The following TSHZ3 variants were observed in gnomAD, a reference collection of about 807,000 sequenced individuals.
The protein encoded by TSHZ3 is teashirt homolog 3.
A neutral mutation model predicts 64.5 loss-of-function variants in TSHZ3; 10 were observed. That is an observed-to-expected ratio of 0.16 (90% CI 0.10 to 0.26). The LOEUF is 0.26. Ranked by LOEUF, TSHZ3 falls within the 10% of genes least tolerant of loss-of-function variation. The probability of loss-of-function intolerance (pLI) is 1.00; values close to 1 mark genes in which losing one functional copy is unlikely to be tolerated. For synonymous variants in TSHZ3, 608 were observed against 593.1 expected (o/e 1.03, Z -0.36); for missense variants, 1,242 against 1,421.7 (o/e 0.87, Z 2.03).
exon 7 of TSHZ3, among the ~76,000 whole-genome samples, chr19:31,150,736 G>A (rs1291210949): frequency 2.0e-5 from 3 of 152,286 alleles, no homozygotes; most frequent in Non-Finnish European, 4.4e-5. Context: ...TGGTTTCCAG[G>A]TATCTTTTTT....
intron 5 of TSHZ3, among the ~76,000 whole-genome samples, chr19:31,159,838 G>T (rs1457577309): frequency 6.6e-6 from 1 of 151,560 alleles, no homozygotes; most frequent in Non-Finnish European, 1.5e-5. Context: ...GACTATAGCT[G>T]CATGCCACCA....
intron 1 of TSHZ3, among the ~76,000 whole-genome samples, chr19:31,282,792 C>T (rs1001169265): frequency 1.3e-5 from 2 of 152,150 alleles, no homozygotes; most frequent in Non-Finnish European, 1.5e-5. Flanking sequence ...AGATCCAACT[C>T]AGAGGAGAAT....
intron 4 of TSHZ3, among the ~76,000 whole-genome samples, chr19:31,213,175 G>C (rs778750569): frequency 1.3e-5 from 2 of 151,492 alleles, no homozygotes; most frequent in African/African-American, 2.4e-5. Flanking sequence ...GGGCAACATG[G>C]TGAAACCCCG....
At chr19:31,152,901 A>G (rs1056572555) in intron 6 of TSHZ3, among the ~76,000 whole-genome samples, 1 of 152,228 alleles carries the variant, frequency 6.6e-6, no homozygotes, top group Non-Finnish European at 1.5e-5. Flanking sequence ...TCATGAAGCC[A>G]TGATTAGGAC....
chr19:31,301,430 A>G (rs1361504287), intron 1 of TSHZ3, among the ~76,000 whole-genome samples: 1 of 152,150 alleles, frequency 6.6e-6, no homozygotes, highest in African/African-American at 2.4e-5. Flanking sequence ...AACTTAGATG[A>G]CATCTGCTGG....
intron 3 of TSHZ3, among the ~76,000 whole-genome samples, chr19:31,230,077 G>A (rs926238971): frequency 6.6e-6 from 1 of 151,986 alleles, no homozygotes; most frequent in Non-Finnish European, 1.5e-5. Flanking sequence ...ATAAATAACT[G>A]CAGAAATTTA....
intron 1 of TSHZ3, among the ~76,000 whole-genome samples, chr19:31,326,530 G>A (rs1599650311): frequency 6.6e-6 from 1 of 152,378 alleles, no homozygotes; most frequent in East Asian, 1.9e-4. Context: ...GTGTGTGCAT[G>A]AGCACGCGTA....
downstream of TSHZ3, among the ~76,000 whole-genome samples, chr19:31,272,979 G>C (rs1027400494): frequency 6.6e-6 from 1 of 152,082 alleles, no homozygotes; most frequent in African/African-American, 2.4e-5. Context: ...AACAGCAACC[G>C]CAGAACATGA....
chr19:31,213,533 T>G (rs1269439462), intron 4 of TSHZ3, among the ~76,000 whole-genome samples: 1 of 152,074 alleles, frequency 6.6e-6, no homozygotes, highest in African/African-American at 2.4e-5. Flanking sequence ...ATGTACAACA[T>G]CAAGAGTGAA....
chr19:31,331,893 G>A lies in TSHZ3; in HGVS notation c.40+17287C>T, dbSNP rs189909790. On this transcript the variant is annotated intron_variant, in intron 1 of 1. Transcript: ENST00000240587. ...AGCCAAGCCTGCCTCCCTGACTGCA[G>A]AAGATGTCACCTCCCCCGGGCACTT... is the stretch of plus-strand genomic sequence containing the variant. 5.8e-4 allele frequency among the ~76,000 whole-genome samples: 89 copies of A among 152,310 alleles called. No homozygotes were observed. The East Asian group carries it at 0.016, about 28-fold the overall frequency.
At chr19:31,233,807 A>G (rs922025295) in intron 3 of TSHZ3, among the ~76,000 whole-genome samples, 1 of 152,100 alleles carries the variant, frequency 6.6e-6, no homozygotes. Context: ...ACAGACACCT[A>G]GTTCTTGTAG....
rs3030229 is a variant in TSHZ3, at chr19:31,226,977, C to CTTTTTTTTTTTTTT, written n.686+1014_686+1027dup. On this transcript the variant is annotated intron_variant and non_coding_transcript_variant, in intron 4 of 6. Transcript: ENST00000651361. ...TTTTCTTCTCTTTCTTTCTTTCTTT[C>CTTTTTTTTTTTTTT]TTTTTTTTTTTTTTTTTTTGAGATG... Among the ~76,000 whole-genome samples the CTTTTTTTTTTTTTT allele has an allele frequency of 2.7e-3, 177 of 65,664 alleles. 10 individuals carry two copies. The highest frequency in any genetic ancestry group is 7.5e-3 in the African/African-American group (77 of 10,308). The allele number at this position is 65,664 out of a possible 152,430, so 43.1% of individuals were successfully genotyped here.
At position 31,257,884 on chromosome 19, in the gene TSHZ3, C is replaced by G. The variant is rs1309415967; in HGVS notation, n.64-15009G>C. Reference sequence around the variant, plus strand: ...TTTAAGGAAAAGCAAAAGCCTTCAGCCCCAGCTGTCTGACATGGGTCTTTG... The same window carrying G: ...TTTAAGGAAAAGCAAAAGCCTTCAGGCCCAGCTGTCTGACATGGGTCTTTG... On this transcript the variant is annotated intron_variant and non_coding_transcript_variant, in intron 1 of 6. Coordinates refer to the TSHZ3 transcript ENST00000651361. Among the ~76,000 whole-genome samples, 3 of 152,206 alleles carry G rather than the reference C, an allele frequency of 2.0e-5. 1 individual carries two copies. The highest frequency in any genetic ancestry group is 4.4e-5 in the Non-Finnish European group (3 of 68,046).
intron 1 of TSHZ3, among the ~76,000 whole-genome samples, chr19:31,264,957 G>A (rs1976029109): frequency 6.6e-6 from 1 of 152,174 alleles, no homozygotes; most frequent in Non-Finnish European, 1.5e-5. Context: ...CTCTGACTGT[G>A]GGGTAGGGGT....
exon 7 of TSHZ3, among the ~76,000 whole-genome samples, chr19:31,151,597 C>T (rs1974239983): frequency 6.6e-6 from 1 of 152,198 alleles, no homozygotes; most frequent in African/African-American, 2.4e-5. Context: ...AGAACAAAGG[C>T]TCAAGTCTGG....
At chr19:31,208,719 A>C (rs893347634) in intron 4 of TSHZ3, among the ~76,000 whole-genome samples, 4 of 152,200 alleles carry the variant, frequency 2.6e-5, no homozygotes, top group Non-Finnish European at 5.9e-5. Flanking sequence ...ATGGTTTACC[A>C]CAAGTCGTGG....
At chr19:31,153,209 G>C (rs118035828) in intron 6 of TSHZ3, among the ~76,000 whole-genome samples, 2 of 152,094 alleles carry the variant, frequency 1.3e-5, no homozygotes, top group African/African-American at 4.8e-5. Flanking sequence ...ATGTATAAAG[G>C]CCAGTTTTCT....
chr19:31,182,486 C>T (rs1004282976), intron 5 of TSHZ3, among the ~76,000 whole-genome samples: 5 of 152,118 alleles, frequency 3.3e-5, no homozygotes, highest in Non-Finnish European at 5.9e-5. Context: ...ATGCACAGCC[C>T]GTGATGAAAA....
chr19:31,161,479 A>G (rs1974373291), intron 5 of TSHZ3, among the ~76,000 whole-genome samples: 2 of 152,224 alleles, frequency 1.3e-5, no homozygotes, highest in Non-Finnish European at 2.9e-5. Context: ...TTTTGGAGAT[A>G]TGGGATTCAC....
Sources: allele counts gnomAD v4.1 joint callset (sites outside exome capture counted in the v4.1 genomes callset), GRCh38; gene constraint gnomAD v4.1.1; transcripts MANE v1.5; gene names NCBI Gene and HGNC (gene_info 2026-07-23, HGNC 2026-07-21).